Variants in DPP9 observed in about 807,000 individuals in gnomAD.
DPP9 encodes dipeptidyl peptidase IV-related protein-2.
DPP9 carries 50 observed loss-of-function variants against 110.7 expected under a neutral mutation model. The observed-to-expected ratio is 0.45, with a 90% CI of 0.36 to 0.57. The LOEUF (loss-of-function observed/expected upper bound fraction) is 0.57. DPP9 is among the 20% of genes least tolerant of loss of function. DPP9 has a pLI of 0.00. For missense variants in DPP9, 1,022 were observed against 1,217.9 expected (o/e 0.84, Z 2.39); for synonymous variants, 561 against 514.4 (o/e 1.09, Z -1.23).
chr19:4,719,886 C>T lies in DPP9; in HGVS notation c.21G>A (p.Leu7=). The T allele has an allele frequency of 2.6e-6, 4 of 1,551,738 alleles. No individual in the cohort carries two copies. Among genetic ancestry groups the T allele is most frequent in the Middle Eastern group, 1.7e-4 (1 of 5,992 alleles). ...TTCCGGTGTTCTCCTTGTCCAGGCG[C>T]AGTTTCTTAACCTTCCGCATTAACC... The part of the protein sequence containing the change: MRKVKK[L]RLDKENTGSW... The change falls in exon 3 of 22, where the codon CTG becomes CTA. Residue 7 remains leucine (L), a synonymous_variant. Transcript: ENST00000262960.
intron 2 of DPP9, among the ~76,000 whole-genome samples, chr19:4,720,470 C>T (rs1259027103): frequency 6.6e-6 from 1 of 152,200 alleles, no homozygotes; most frequent in Non-Finnish European, 1.5e-5. Context: ...GCTCCTGATA[C>T]CACCTCTTCA....
Position 4,679,909 on chromosome 19 carries a change from C to G in DPP9, c.2512G>C (p.Glu838Gln). 6.2e-7 allele frequency: 1 copy of G among 1,613,344 alleles called. No homozygotes were observed. Among genetic ancestry groups the G allele is most frequent in the Non-Finnish European group, 8.5e-7 (1 of 1,179,760 alleles). Residue 838 changes from glutamate to glutamine, a missense_variant, in exon 21 of 22, where the codon GAA (glutamate) becomes CAA (glutamine). Glu to Gln is a conservative substitution (Grantham distance 29). Around this residue, in one of 3 missense-constraint regions of DPP9, gnomAD observed 209 missense variants for 280.4 expected, o/e 0.75. Transcript: ENST00000262960. ...TTTGTGTGGAAAAAGTGCACGTTTTCGTCCAGGAAGCCGTGGAGGATAAGC... is the reference window on the plus strand; with the variant it reads ...TTTGTGTGGAAAAAGTGCACGTTTTGGTCCAGGAAGCCGTGGAGGATAAGC... ...RLLILHGFLDENVHFFHTNFL... is the reference protein window; with the variant it reads ...RLLILHGFLDQNVHFFHTNFL...
intron 2 of DPP9, among the ~76,000 whole-genome samples, chr19:4,720,961 G>A (rs776745223): frequency 1.4e-4 from 22 of 152,218 alleles, no homozygotes; most frequent in Non-Finnish European, 2.5e-4. Context: ...ATTTCAATGT[G>A]TGCAGCCTCC....
Position 4,704,881 on chromosome 19 carries a change from C to T in DPP9, c.427-577G>A, listed in dbSNP as rs1270521896. 6.6e-6 allele frequency among the ~76,000 whole-genome samples: 1 copy of T among 152,156 alleles called. No individual in the cohort carries two copies. The highest frequency in any genetic ancestry group is 1.9e-4 in the East Asian group (1 of 5,200). ...GGGTGTGGTGGCACGCGCCTGTAGT[C>T]CCAGCTACTTGGGACGCTGAGGCAG... On this transcript the variant is annotated intron_variant, in intron 5 of 21. Transcript: ENST00000262960. The surrounding 1 kb of genome is among the most constrained non-coding windows in gnomAD (Gnocchi z 6.0).
intron 13 of DPP9, among the ~76,000 whole-genome samples, chr19:4,691,531 T>C (rs1401804414): frequency 1.3e-5 from 2 of 151,040 alleles, no homozygotes; most frequent in East Asian, 1.9e-4. Context: ...TGGATTTTCA[T>C]TGGAATTTCC....
intron 1 of DPP9, 141 bp from the exon 2 acceptor site, chr19:4,722,692 G>A: frequency 1.6e-6 from 1 of 641,314 alleles, no homozygotes; most frequent in Non-Finnish European, 2.8e-6. Flanking sequence ...AAGCCCTGCA[G>A]CACTGTCTGC....
chr19:4,676,647 T>C lies in DPP9; in HGVS notation c.2596A>G (p.Asn866Asp), dbSNP rs953140528. Residue 866 changes from asparagine to aspartate, a missense_variant, in exon 22 of 22, where the codon AAC (asparagine) becomes GAC (aspartate). Transcript: ENST00000262960. This position sits in a 1 kb window ranked among gnomAD's most constrained non-coding sequence, Gnocchi z 4.0. ...GKPYQLQIYPNERHSIRCPES... is the reference protein window; with the variant it reads ...GKPYQLQIYPDERHSIRCPES... ...GGGCAGCGAATACTGTGTCTCTCGT[T>C]GGGGTAGATCTGCGGGGAGACAGGA... The C allele has an allele frequency of 1.9e-6, 3 of 1,603,454 alleles. No individual in the cohort carries two copies. The highest frequency in any genetic ancestry group is 2.6e-6 in the Non-Finnish European group (3 of 1,175,092).
Position 4,718,452 on chromosome 19 carries a change from C to A in DPP9, c.56+1399G>T, listed in dbSNP as rs2093174053. ...TGGGGGTGGTGAGGACAGGGTCCTA[C>A]CCATGCGCTGGATGGGGAAATGCCT... On this transcript the variant is annotated intron_variant, in intron 3 of 21. Coordinates refer to ENST00000262960, the MANE Select transcript of DPP9 (RefSeq NM_139159.5). This position sits in a 1 kb window ranked among gnomAD's most constrained non-coding sequence, Gnocchi z 4.3. 1.3e-5 allele frequency among the ~76,000 whole-genome samples: 2 copies of A among 152,184 alleles called. No homozygotes were observed. The highest frequency in any genetic ancestry group is 1.3e-4 in the Admixed American group (2 of 15,280).
intron 3 of DPP9, 172 bp downstream of exon 3, chr19:4,719,679 C>T: frequency 2.6e-6 from 2 of 761,086 alleles, no homozygotes; most frequent in Non-Finnish European, 4.3e-6. Context: ...AGGGGGAGAC[C>T]CCGCACTACG....
chr19:4,684,564 G>T lies in DPP9; in HGVS notation c.2178+99C>A. The T allele has an allele frequency of 7.1e-7, 1 of 1,414,996 alleles. No homozygotes were observed. Among genetic ancestry groups the T allele is most frequent in the Non-Finnish European group, 9.6e-7 (1 of 1,041,352 alleles). The allele number at this position is 1,414,996 out of a possible 1,614,324, so 87.7% of individuals were successfully genotyped here. A position where few individuals can be genotyped will look rare whatever the true frequency, so the allele number is the denominator to read the frequency against. On this transcript the variant is annotated intron_variant, in intron 18 of 21. Transcript: ENST00000262960. The surrounding 1 kb of genome is among the most constrained non-coding windows in gnomAD (Gnocchi z 4.8). ...CCCCAGCCAGAAGTGCCCTTCTGCG[G>T]GTGGTATTCCAGAGCCGCTCCCATG...
At chr19:4,720,441 T>C (rs2093269473) in intron 2 of DPP9, among the ~76,000 whole-genome samples, 1 of 152,188 alleles carries the variant, frequency 6.6e-6, no homozygotes, top group African/African-American at 2.4e-5. Context: ...TGATATGACT[T>C]GCTCTTTCTT....
At chr19:4,709,482 G>A (rs749097767) in intron 4 of DPP9, among the ~76,000 whole-genome samples, 1 of 152,182 alleles carries the variant, frequency 6.6e-6, no homozygotes, top group Non-Finnish European at 1.5e-5. Context: ...CTGGAAACAC[G>A]ACTCAATCTC....
At chr19:4,720,258 T>A (rs975632565) in intron 2 of DPP9, among the ~76,000 whole-genome samples, 1 of 152,084 alleles carries the variant, frequency 6.6e-6, no homozygotes, top group Non-Finnish European at 1.5e-5. Context: ...AATCCCAAAT[T>A]CCTCACTGTG....
rs766288777 is a variant in DPP9, at chr19:4,676,571, T to C, written c.2672A>G (p.Tyr891Cys). ...EVTLLHFLQEYL is the reference protein window; with the variant it reads ...EVTLLHFLQECL ...GGCTCCCGGTGGGCAGGCTCAGAGG[T>C]ATTCCTGTAGAAAGTGCAGCAACGT... Residue 891 changes from tyrosine to cysteine, a missense_variant, in exon 22 of 22, where the codon TAC (tyrosine) becomes TGC (cysteine). Around this residue, in one of 3 missense-constraint regions of DPP9, gnomAD observed 209 missense variants for 280.4 expected, o/e 0.75. Transcript: ENST00000262960. The surrounding 1 kb of genome is among the most constrained non-coding windows in gnomAD (Gnocchi z 4.0). The C allele has an allele frequency of 6.3e-7, 1 of 1,584,242 alleles. No homozygotes were observed. The highest frequency in any genetic ancestry group is 2.3e-5 in the East Asian group (1 of 43,014).
At chr19:4,680,235 C>CAAA (rs71168922) in intron 20 of DPP9, among the ~76,000 whole-genome samples, 3 of 70,856 alleles carry the variant, frequency 4.2e-5, no homozygotes, top group Non-Finnish European at 5.8e-5. Flanking sequence ...GACAGCATCT[C>CAAA]AAAAAAAAAA....
rs1487449003 is a variant in DPP9, at chr19:4,700,342, G to A, written c.1013-65C>T. ...ACCCGTGTGTGCCGAGAGCCGGCAC[G>A]GGGGGCCTGGGCTGTGGGGTGACGT... On this transcript the variant is annotated intron_variant, in intron 9 of 21. Coordinates refer to ENST00000262960, the MANE Select transcript of DPP9 (RefSeq NM_139159.5). This position sits in a 1 kb window ranked among gnomAD's most constrained non-coding sequence, Gnocchi z 4.3. 27 of 1,394,292 alleles carry A rather than the reference G, an allele frequency of 1.9e-5. No homozygotes were observed. Among genetic ancestry groups the A allele is most frequent in the African/African-American group, 1.3e-4 (9 of 70,348 alleles). 86.4% of individuals were successfully genotyped at this position (1,394,292 alleles called of 1,614,324 possible).
rs1407353649 is a variant in DPP9, at chr19:4,685,005, G to A, written c.2032-196C>T. On this transcript the variant is annotated intron_variant, in intron 17 of 21. Transcript: ENST00000262960. The surrounding 1 kb of genome is among the most constrained non-coding windows in gnomAD (Gnocchi z 5.8). The stretch of plus-strand genomic sequence containing the variant: ...GGGCCCATACTCGGGACCCTGCTAG[G>A]GAGGGGGAAGGGCCACTGTCAGGCT... 1.4e-6 allele frequency: 1 copy of A among 721,550 alleles called. No individual in the cohort carries two copies. Among genetic ancestry groups the A allele is most frequent in the Non-Finnish European group, 2.5e-6 (1 of 405,796 alleles). The allele number at this position is 721,550 out of a possible 1,614,324, so 44.7% of individuals were successfully genotyped here.
chr19:4,721,179 C>G (rs1425437784), intron 2 of DPP9, among the ~76,000 whole-genome samples: 1 of 152,220 alleles, frequency 6.6e-6, no homozygotes, highest in Non-Finnish European at 1.5e-5. Flanking sequence ...GCCCCCCTCC[C>G]ACTCCTCTGC....
chr19:4,685,130 T>G lies in DPP9; in HGVS notation c.2032-321A>C. The G allele has an allele frequency of 1.8e-6, 1 of 569,846 alleles. No homozygotes were observed. Among genetic ancestry groups the G allele is most frequent in the Non-Finnish European group, 3.3e-6 (1 of 300,176 alleles). 35.3% of individuals were successfully genotyped at this position (569,846 alleles called of 1,614,324 possible). The stretch of plus-strand genomic sequence containing the variant: ...TTCTCGGGTGGGGCCATCTGGGCAC[T>G]GCGGGGTGCTGAGAAGCCACTCCAG... On this transcript the variant is annotated intron_variant, in intron 17 of 21. Transcript: ENST00000262960. The surrounding 1 kb of genome is among the most constrained non-coding windows in gnomAD (Gnocchi z 5.8).
Sources: allele counts gnomAD v4.1 joint callset (sites outside exome capture counted in the v4.1 genomes callset), GRCh38; gene constraint gnomAD v4.1.1; regional missense constraint gnomAD v4.1.1; non-coding constraint Gnocchi (gnomAD v3.1); transcripts MANE v1.5; gene names NCBI Gene and HGNC (gene_info 2026-07-23, HGNC 2026-07-21).